The following AIG1 variants were observed in gnomAD, a reference collection of about 807,000 sequenced individuals.
The protein encoded by AIG1 is androgen-induced gene 1 protein.
Under a neutral mutation model 31.4 loss-of-function variants are expected in AIG1, and 23 were observed. The observed-to-expected ratio is 0.73, with a 90% CI of 0.53 to 1.04. The LOEUF is 1.04. Ranked by LOEUF, AIG1 falls within the 50% of genes least tolerant of loss-of-function variation. The probability of loss-of-function intolerance (pLI) is 0.00; values close to 1 mark genes in which losing one functional copy is unlikely to be tolerated. For missense variants in AIG1, 274 were observed against 295.0 expected (o/e 0.93, Z 0.52); for synonymous variants, 100 against 110.5 (o/e 0.90, Z 0.60).
At chr6:143,082,125 AG>A in intron 1 of AIG1, among the ~76,000 whole-genome samples, 1 of 152,328 alleles carries the variant, frequency 6.6e-6, no homozygotes, top group Non-Finnish European at 1.5e-5. Context: ...ATGGAGGACT[AG>A]GTAAGCATAC....
At chr6:143,189,830 T>C (rs748069965) in intron 3 of AIG1, 22 of 971,432 alleles carry the variant, frequency 2.3e-5, no homozygotes, top group Non-Finnish European at 2.6e-5. Flanking sequence ...TATATCTTAG[T>C]CCATTCAGGC....
rs1355853477 is a variant in AIG1 at position 143,061,070 on chromosome 6, A to G, written c.141+4A>G. 2 of 1,611,288 alleles carry G rather than the reference A, an allele frequency of 1.2e-6. No homozygotes were observed. The highest frequency in any genetic ancestry group is 1.7e-6 in the Non-Finnish European group (2 of 1,178,738). On this transcript the variant is annotated splice_donor_region_variant and intron_variant, in intron 1 of 5. Transcript: ENST00000357847. Reference sequence around the variant, plus strand: ...ATTCCTGACGTTCATTGATCTGGTAAGGCCGTCCCCTCCCCCTGCTCGCCC... The same window carrying G: ...ATTCCTGACGTTCATTGATCTGGTAGGGCCGTCCCCTCCCCCTGCTCGCCC...
intron 1 of AIG1, among the ~76,000 whole-genome samples, chr6:143,129,299 TAAA>T (rs565870288): frequency 1.4e-3 from 211 of 151,670 alleles, no homozygotes; most frequent in Non-Finnish European, 2.7e-3. Context: ...TCAAAAAAAA[TAAA>T]AAAAGAAAAA....
intron 2 of AIG1, among the ~76,000 whole-genome samples, chr6:143,155,268 ACAGT>A (rs1186462712): frequency 3.3e-5 from 5 of 152,154 alleles, no homozygotes; most frequent in Admixed American, 6.5e-5. Flanking sequence ...CAGTAATTAC[ACAGT>A]CAGTTATTTC....
chr6:143,150,531 A>G (rs9484708), intron 2 of AIG1, among the ~76,000 whole-genome samples: 3,508 of 152,232 alleles, frequency 0.023, 126 homozygotes, highest in African/African-American at 0.078. Flanking sequence ...TGATGTCAGG[A>G]AGAAGACTGG....
chr6:143,336,928 A>C (rs994205292), intron 5 of AIG1, among the ~76,000 whole-genome samples: 2 of 152,198 alleles, frequency 1.3e-5, no homozygotes, highest in Non-Finnish European at 2.9e-5. Context: ...CAGGGGGAAA[A>C]AAAAAGAAAG....
chr6:143,100,901 T>G (rs1780215626), intron 1 of AIG1, among the ~76,000 whole-genome samples: 2 of 152,108 alleles, frequency 1.3e-5, no homozygotes, highest in African/African-American at 4.8e-5. Context: ...GCCAGGCTGG[T>G]CTCAAACTCC....
At chr6:143,178,225 C>A (rs1788368815) in intron 3 of AIG1, among the ~76,000 whole-genome samples, 1 of 152,312 alleles carries the variant, frequency 6.6e-6, no homozygotes, top group East Asian at 1.9e-4. Context: ...CAGCTGCTAT[C>A]ATGACTCTGC....
intron 1 of AIG1, among the ~76,000 whole-genome samples, chr6:143,080,250 GGT>G (rs920560551): frequency 1.3e-5 from 2 of 152,040 alleles, no homozygotes; most frequent in Non-Finnish European, 2.9e-5. Flanking sequence ...CCTTGGGAGG[GGT>G]GCCTTCAATG....
chr6:143,154,568 A>G (rs1047005984), intron 2 of AIG1, among the ~76,000 whole-genome samples: 2 of 152,220 alleles, frequency 1.3e-5, no homozygotes, highest in African/African-American at 4.8e-5. Flanking sequence ...TAATAACAGA[A>G]TACTTCTGTA....
intron 3 of AIG1, among the ~76,000 whole-genome samples, chr6:143,167,452 A>G (rs1021194136): frequency 3.9e-5 from 6 of 152,194 alleles, no homozygotes; most frequent in African/African-American, 1.4e-4. Context: ...GACAACAAAT[A>G]ATTGCATCAT....
intron 1 of AIG1, among the ~76,000 whole-genome samples, chr6:143,125,404 T>C (rs1198199978): frequency 1.3e-5 from 2 of 152,236 alleles, no homozygotes; most frequent in African/African-American, 4.8e-5. Flanking sequence ...TACTAAGTGC[T>C]TTGTACATAG....
rs1776551610 is a variant in AIG1 at position 143,325,686 on chromosome 6, C to A, written c.516-7596C>A. 6.6e-6 allele frequency among the ~76,000 whole-genome samples: 1 copy of A among 152,162 alleles called. No homozygotes were observed. Among genetic ancestry groups the A allele is most frequent in the Non-Finnish European group, 1.5e-5 (1 of 68,038 alleles). On this transcript the variant is annotated intron_variant, in intron 4 of 5. Coordinates refer to ENST00000357847, the MANE Select transcript of AIG1 (RefSeq NM_016108.4). This position sits in a 1 kb window ranked among gnomAD's most constrained non-coding sequence, Gnocchi z 4.3. ...CTTAACTATATTTGTTAAATCAGTG[C>A]CTGTCAAATTTCTTTTACAGGTATA... is the stretch of plus-strand genomic sequence containing the variant.
intron 1 of AIG1, among the ~76,000 whole-genome samples, chr6:143,092,972 C>T (rs1416168496): frequency 6.6e-6 from 1 of 152,112 alleles, no homozygotes; most frequent in Non-Finnish European, 1.5e-5. Context: ...ATTGCTTGAG[C>T]CCAGGAATTC....
At chr6:143,324,870 G>A (rs1020875838) in intron 4 of AIG1, among the ~76,000 whole-genome samples, 2 of 152,186 alleles carry the variant, frequency 1.3e-5, no homozygotes, top group African/African-American at 4.8e-5. Context: ...AGTAAAGGAT[G>A]ATATATCGAC....
chr6:143,319,385 A>G (rs1776020828), intron 4 of AIG1, among the ~76,000 whole-genome samples: 1 of 152,226 alleles, frequency 6.6e-6, no homozygotes, highest in Admixed American at 6.5e-5. Flanking sequence ...ATGGAAAACC[A>G]AACATCATAT....
At position 143,339,739 on chromosome 6, in the gene AIG1, T is replaced by G; in HGVS notation, c.*63T>G. The G allele has an allele frequency of 6.4e-7, 1 of 1,570,618 alleles. No homozygotes were observed. Among genetic ancestry groups the G allele is most frequent in the Non-Finnish European group, 8.7e-7 (1 of 1,148,828 alleles). ...ATTGAAGACTCCTTCCCCTCGGGCA[T>G]TGGCAGTGGGGGAGAAAAGGCTTCA... On this transcript the variant is annotated 3_prime_UTR_variant, in exon 6 of 6. Coordinates refer to ENST00000357847, the MANE Select transcript of AIG1 (RefSeq NM_016108.4).
rs550513927 is a variant in AIG1 at position 143,217,609 on chromosome 6, A to G, written c.399+52426A>G. 3.9e-5 allele frequency among the ~76,000 whole-genome samples: 6 copies of G among 152,170 alleles called. No individual in the cohort carries two copies. In the East Asian group the frequency reaches 5.8e-4, roughly 15 times the overall value. On this transcript the variant is annotated intron_variant, in intron 3 of 5. Transcript: ENST00000357847. ...CTGCAGCCTCCACCTCCCAGGTCCAATCAATTCTCTTCCCTTAGCCTCCCA... is the reference window on the plus strand; with the variant it reads ...CTGCAGCCTCCACCTCCCAGGTCCAGTCAATTCTCTTCCCTTAGCCTCCCA...
At chr6:143,173,303 T>A (rs1787819093) in intron 3 of AIG1, among the ~76,000 whole-genome samples, 1 of 152,204 alleles carries the variant, frequency 6.6e-6, no homozygotes, top group Non-Finnish European at 1.5e-5. Context: ...CCTCAAGTGA[T>A]CCACCCACCT....
Sources: allele counts gnomAD v4.1 joint callset (sites outside exome capture counted in the v4.1 genomes callset), GRCh38; gene constraint gnomAD v4.1.1; non-coding constraint Gnocchi (gnomAD v3.1); transcripts MANE v1.5; gene names NCBI Gene and HGNC (gene_info 2026-07-23, HGNC 2026-07-21).